KCNK6: variants seen among roughly 807,000 people sequenced by gnomAD.
KCNK6 encodes the protein potassium two pore domain channel subfamily K member 6.
KCNK6 carries 20 observed loss-of-function variants against 21.9 expected under a neutral mutation model. The ratio of observed to expected loss-of-function variants is 0.91; its 90% CI spans 0.64 to 1.32. The LOEUF (loss-of-function observed/expected upper bound fraction) is 1.32, where lower values mean the gene tolerates loss of function less well. Ranked by LOEUF, KCNK6 falls within the 40% of genes most tolerant of loss-of-function variation. The pLI is 0.00. For synonymous variants in KCNK6, 210 were observed against 218.0 expected (o/e 0.96, Z 0.32); for missense variants, 415 against 433.1 (o/e 0.96, Z 0.37).
In KCNK6 at chr19:38,327,202, G is replaced by A. The variant is rs1383080704; in HGVS notation, c.741G>A (p.Val247=). ...LVTVYLFLGL[V]AMVLVLQTFR... is the part of the protein sequence containing the mutation. ...CAGTCTACCTCTTCCTGGGCCTGGT[G>A]GCCATGGTGCTGGTGCTGCAGACCT... The change falls in exon 3 of 3, where the codon GTG becomes GTA. Residue 247 remains valine, a synonymous_variant. Transcript: ENST00000263372. 6.2e-7 allele frequency: 1 copy of A among 1,612,914 alleles called. No individual in the cohort carries two copies. Among genetic ancestry groups the A allele is most frequent in the East Asian group, 2.2e-5 (1 of 44,890 alleles).
chr19:38,327,072 G>T, intron 2 of KCNK6, 84 bp downstream of exon 2: 1 of 1,565,164 alleles, frequency 6.4e-7, no homozygotes, highest in South Asian at 1.2e-5. Context: ...CCCACTCTGG[G>T]ACTTCCAAAA....
intron 1 of KCNK6, chr19:38,325,404 C>T (rs896511887): frequency 1.0e-6 from 1 of 985,600 alleles, no homozygotes; most frequent in Non-Finnish European, 1.2e-6. Context: ...CCTGAGCCAC[C>T]ACGCCTGGCC....
rs1229820930 is a variant in KCNK6 at position 38,331,685 on chromosome 19, A to G, written c.*4282A>G. 1 of 152,116 alleles carries G rather than the reference A, an allele frequency of 6.6e-6. No individual in the cohort carries two copies. Among genetic ancestry groups the G allele is most frequent in the African/African-American group, 2.4e-5 (1 of 41,430 alleles). The allele number at this position is 152,116 out of a possible 1,614,324, so 9.4% of individuals were successfully genotyped here. ...AAATTCATCAGGTACTAAAGAGTGTACGGTGGAAAGTAAGTCTTTCTCCTA... is the reference window on the plus strand; with the variant it reads ...AAATTCATCAGGTACTAAAGAGTGTGCGGTGGAAAGTAAGTCTTTCTCCTA... On this transcript the variant is annotated 3_prime_UTR_variant, in exon 3 of 3. Coordinates refer to ENST00000263372, the MANE Select transcript of KCNK6 (RefSeq NM_004823.3).
rs1463588992 is a variant in KCNK6, at chr19:38,320,003, T to C, written c.53T>C (p.Leu18Pro). ...AGALAAYAAY[L>P]VLGALLVARL... is the part of the protein sequence containing the mutation. The stretch of plus-strand genomic sequence containing the variant: ...GCCTTGGCCGCGTACGCCGCGTACC[T>C]GGTGCTGGGCGCGCTGTTGGTGGCG... The change falls in exon 1 of 3, where the codon CTG becomes CCG. Residue 18 changes from leucine (L) to proline (P), a missense_variant. By Grantham distance (98) the Leu-to-Pro change is moderately conservative. Transcript: ENST00000263372. 1 of 1,487,510 alleles carries C rather than the reference T, an allele frequency of 6.7e-7. No homozygotes were observed. The allele number at this position is 1,487,510 out of a possible 1,614,324, so 92.1% of individuals were successfully genotyped here. A position where few individuals can be genotyped will look rare whatever the true frequency, so the allele number is the denominator to read the frequency against.
At chr19:38,321,653 G>C (rs1600421093) in intron 1 of KCNK6, among the ~76,000 whole-genome samples, 1 of 152,350 alleles carries the variant, frequency 6.6e-6, no homozygotes, top group East Asian at 1.9e-4. Flanking sequence ...TGCAGGGTTA[G>C]CCCAGACTCC....
At position 38,326,728 on chromosome 19, in the gene KCNK6, C is replaced by G; in HGVS notation, c.458C>G (p.Pro153Arg). The change falls in exon 2 of 3, where the codon CCC becomes CGC. Residue 153 changes from proline to arginine, a missense_variant. Coordinates refer to ENST00000263372, the MANE Select transcript of KCNK6 (RefSeq NM_004823.3). ...CTGTCACTGCTGCTGACTCACGTGCCCCTGTCTTGGCTGAGCATGCGTTGG... is the reference window on the plus strand; with the variant it reads ...CTGTCACTGCTGCTGACTCACGTGCGCCTGTCTTGGCTGAGCATGCGTTGG... ...QRLSLLLTHVPLSWLSMRWGW... is the reference protein window; with the variant it reads ...QRLSLLLTHVRLSWLSMRWGW... The G allele has an allele frequency of 6.2e-7, 1 of 1,604,702 alleles. No individual in the cohort carries two copies. The highest frequency in any genetic ancestry group is 8.5e-7 in the Non-Finnish European group (1 of 1,179,972).
At position 38,326,608 on chromosome 19, in the gene KCNK6, C is replaced by T. The variant is rs149977540; in HGVS notation, c.338C>T (p.Thr113Met). 44 of 1,610,386 alleles carry T rather than the reference C, an allele frequency of 2.7e-5. No homozygotes were observed. Among genetic ancestry groups the T allele is most frequent in the East Asian group, 8.9e-5 (4 of 44,868 alleles). Residue 113 changes from threonine (T) to methionine (M), a missense_variant, in exon 2 of 3, where the codon ACG becomes ATG. Physicochemically the swap from Thr to Met is moderately conservative, Grantham distance 81. Coordinates refer to ENST00000263372, the MANE Select transcript of KCNK6 (RefSeq NM_004823.3). ...LITTVGYGYT[T>M]PLTDAGKAFS... ...ACTCCCCTAGGCTATGGGTACACAA[C>T]GCCACTGACTGATGCGGGCAAGGCC...
chr19:38,321,070 T>C (rs1209854596), intron 1 of KCNK6, among the ~76,000 whole-genome samples: 2 of 152,114 alleles, frequency 1.3e-5, no homozygotes, highest in African/African-American at 4.8e-5. Context: ...CTCCTGACCC[T>C]CCAGATATGT....
Position 38,319,923 on chromosome 19 carries a change from C to A in KCNK6, c.-28C>A. ...CGGGGGCCACGTCAGCGGGGCCACC[C>A]AGGGCTCGCGGGGTCCCGGTGGGTG... On this transcript the variant is annotated 5_prime_UTR_variant, in exon 1 of 3. Coordinates refer to ENST00000263372, the MANE Select transcript of KCNK6 (RefSeq NM_004823.3). 1 of 1,391,460 alleles carries A rather than the reference C, an allele frequency of 7.2e-7. No individual in the cohort carries two copies. The highest frequency in any genetic ancestry group is 9.2e-7 in the Non-Finnish European group (1 of 1,085,006). The allele number at this position is 1,391,460 out of a possible 1,614,324, so 86.2% of individuals were successfully genotyped here. A position where few individuals can be genotyped will look rare whatever the true frequency, so the allele number is the denominator to read the frequency against.
Position 38,320,291 on chromosome 19 carries a change from G to T in KCNK6, c.322+19G>T, listed in dbSNP as rs371193964. 421 of 1,603,130 alleles carry T rather than the reference G, an allele frequency of 2.6e-4. No homozygotes were observed. The highest frequency in any genetic ancestry group is 3.3e-4 in the Non-Finnish European group (385 of 1,178,862). On this transcript the variant is annotated intron_variant, in intron 1 of 2. Transcript: ENST00000263372. Reference sequence around the variant, plus strand: ...ACCGTGGGTACGTAAGCGCCTCACCGCAAGGCGGCGAGGACCCGGGATCCC... The same window carrying T: ...ACCGTGGGTACGTAAGCGCCTCACCTCAAGGCGGCGAGGACCCGGGATCCC...
In KCNK6 at chr19:38,327,595, G is replaced by A; in HGVS notation, c.*192G>A. The A allele has an allele frequency of 1.7e-6, 1 of 602,952 alleles. No individual in the cohort carries two copies. The highest frequency in any genetic ancestry group is 2.9e-6 in the Non-Finnish European group (1 of 339,514). 37.4% of individuals were successfully genotyped at this position (602,952 alleles called of 1,614,324 possible). A position where few individuals can be genotyped will look rare whatever the true frequency, so the allele number is the denominator to read the frequency against. On this transcript the variant is annotated 3_prime_UTR_variant, in exon 3 of 3. Coordinates refer to ENST00000263372, the MANE Select transcript of KCNK6 (RefSeq NM_004823.3). The stretch of plus-strand genomic sequence containing the variant: ...CAGCACTCCCTGTCCCCATGTCCCG[G>A]GCTCCACTGGGCACCAACATAACCT...
At chr19:38,323,328 A>T (rs1314455901) in intron 1 of KCNK6, among the ~76,000 whole-genome samples, 1 of 152,170 alleles carries the variant, frequency 6.6e-6, no homozygotes, top group Non-Finnish European at 1.5e-5. Context: ...TGAAGCCTTG[A>T]ATGCATCTGG....
chr19:38,330,612 G>C lies in KCNK6; in HGVS notation c.*3209G>C, dbSNP rs1436499503. The stretch of plus-strand genomic sequence containing the variant: ...TCACTGTACTCCAGCTTGGGTGACA[G>C]AGCAAGACCCTGTCTCAAAAAAAAA... On this transcript the variant is annotated 3_prime_UTR_variant, in exon 3 of 3. Coordinates refer to ENST00000263372, the MANE Select transcript of KCNK6 (RefSeq NM_004823.3). 1 of 139,502 alleles carries C rather than the reference G, an allele frequency of 7.2e-6. No individual in the cohort carries two copies. The highest frequency in any genetic ancestry group is 1.5e-5 in the Non-Finnish European group (1 of 65,590). The allele number at this position is 139,502 out of a possible 1,614,324, so 8.6% of individuals were successfully genotyped here.
At chr19:38,321,550 G>A (rs2145038162) in intron 1 of KCNK6, among the ~76,000 whole-genome samples, 1 of 152,350 alleles carries the variant, frequency 6.6e-6, no homozygotes, top group Non-Finnish European at 1.5e-5. Context: ...AAATCTCTTT[G>A]TTGCCAGGCT....
At chr19:38,324,465 T>C (rs758619195) in intron 1 of KCNK6, among the ~76,000 whole-genome samples, 26 of 152,196 alleles carry the variant, frequency 1.7e-4, no homozygotes, top group Non-Finnish European at 3.4e-4. Context: ...CTAACTCCTC[T>C]GCGCAACTTC....
At position 38,320,124 on chromosome 19, in the gene KCNK6, C is replaced by G; in HGVS notation, c.174C>G (p.Ala58=). The change falls in exon 1 of 3, where the codon GCC becomes GCG. Residue 58 remains alanine, a synonymous_variant. Coordinates refer to ENST00000263372, the MANE Select transcript of KCNK6 (RefSeq NM_004823.3). ...GCAGCCCGTGTGTGGCTGCCCCCGC[C>G]CTGGACGCCTTCGTGGAGCGAGTGC... ...LQRSPCVAAP[A]LDAFVERVLA... is the part of the protein sequence containing the mutation. 1 of 1,585,698 alleles carries G rather than the reference C, an allele frequency of 6.3e-7. No individual in the cohort carries two copies.
chr19:38,327,530 C>T lies in KCNK6; in HGVS notation c.*127C>T. 2 of 833,832 alleles carry T rather than the reference C, an allele frequency of 2.4e-6. No individual in the cohort carries two copies. The highest frequency in any genetic ancestry group is 1.9e-6 in the Non-Finnish European group (1 of 538,486). 51.7% of individuals were successfully genotyped at this position (833,832 alleles called of 1,614,324 possible). A position where few individuals can be genotyped will look rare whatever the true frequency, so the allele number is the denominator to read the frequency against. ...ATCTTGAGGCCTTGCCGTCCACCGT[C>T]TCTCCTTTGTTTCCCAGCATCTGGC... On this transcript the variant is annotated 3_prime_UTR_variant, in exon 3 of 3. Transcript: ENST00000263372.
intron 1 of KCNK6, 46 bp downstream of exon 1, chr19:38,320,318 A>G (rs757851567): frequency 1.5e-5 from 24 of 1,594,128 alleles, no homozygotes; most frequent in Non-Finnish European, 2.0e-5. Context: ...CGGGATCCCC[A>G]CTTCATCCTT....
At chr19:38,322,911 G>A (rs191483611) in intron 1 of KCNK6, among the ~76,000 whole-genome samples, 361 of 152,128 alleles carry the variant, frequency 2.4e-3, no homozygotes, top group Non-Finnish European at 4.0e-3. Context: ...TTAGGAGTTC[G>A]AGACCAGCCT....
Sources: gnomAD v4.1 joint callset for allele counts (sites outside exome capture counted in the v4.1 genomes callset) on GRCh38, gnomAD v4.1.1 for gene constraint, MANE v1.5 for transcripts, NCBI Gene and HGNC (gene_info 2026-07-23, HGNC 2026-07-21) for gene names.